Variants in RELCH observed in about 807,000 individuals in gnomAD.
The protein encoded by RELCH is RAB11-binding protein RELCH.
RELCH carries 41 observed loss-of-function variants against 150.3 expected under a neutral mutation model. The ratio of observed to expected loss-of-function variants is 0.27; its 90% confidence interval spans 0.21 to 0.35. RELCH has a LOEUF of 0.35. Among genes scored for constraint, RELCH ranks in the 10% least tolerant of loss-of-function variants. The pLI is 1.00. For synonymous variants in RELCH, 478 were observed against 531.8 expected (o/e 0.90, Z 1.39); for missense variants, 1,092 against 1,467.8 (o/e 0.74, Z 4.18).
chr18:62,269,162 T>C (rs943470267), intron 20 of RELCH, among the ~76,000 whole-genome samples: 2 of 152,154 alleles, frequency 1.3e-5, no homozygotes, highest in Non-Finnish European at 2.9e-5. Flanking sequence ...TTATGAGCTT[T>C]TTGATATTTT....
chr18:62,200,034 A>T (rs1410650880), intron 1 of RELCH, among the ~76,000 whole-genome samples: 1 of 152,214 alleles, frequency 6.6e-6, no homozygotes, highest in African/African-American at 2.4e-5. Context: ...TGATAAAGTC[A>T]TCTTGTATTA....
chr18:62,302,140 T>C (rs1434331812), intron 28 of RELCH, among the ~76,000 whole-genome samples: 1 of 152,020 alleles, frequency 6.6e-6, no homozygotes, highest in Non-Finnish European at 1.5e-5. Flanking sequence ...TGATTAAGAG[T>C]GAAGGAGAAC....
chr18:62,257,498 C>G (rs2043047108), intron 13 of RELCH, among the ~76,000 whole-genome samples: 1 of 152,018 alleles, frequency 6.6e-6, no homozygotes, highest in Non-Finnish European at 1.5e-5. Flanking sequence ...CCTGTTAAAA[C>G]TCTCAGTGCT....
intron 1 of RELCH, among the ~76,000 whole-genome samples, chr18:62,194,100 T>C (rs2038848992): frequency 6.6e-6 from 1 of 152,046 alleles, no homozygotes; most frequent in Non-Finnish European, 1.5e-5. Context: ...ATACAAAAAT[T>C]ATCCGTGCAT....
rs1371974370 is a variant in RELCH, at chr18:62,282,374, T to G, written c.3183T>G (p.Ser1061=). ...LEDPQYQDQH[S]LHTEIIKTFG... is the part of the protein sequence containing the mutation. ...ATCCTCAGTATCAAGACCAACATTCTTTGCATACAGAGATCATAAAAACAT... is the reference window on the plus strand; with the variant it reads ...ATCCTCAGTATCAAGACCAACATTCGTTGCATACAGAGATCATAAAAACAT... The change falls in exon 25 of 29, where the codon TCT becomes TCG. Residue 1061 remains serine (S), a synonymous_variant. Coordinates refer to ENST00000644646, the MANE Select transcript of RELCH (RefSeq NM_001346231.2). 1 of 1,612,774 alleles carries G rather than the reference T, an allele frequency of 6.2e-7. No homozygotes were observed. The highest frequency in any genetic ancestry group is 1.1e-5 in the South Asian group (1 of 90,814).
chr18:62,198,118 A>G (rs567418887), intron 1 of RELCH, among the ~76,000 whole-genome samples: 1 of 152,312 alleles, frequency 6.6e-6, no homozygotes, highest in South Asian at 2.1e-4. Context: ...GCATCACTTC[A>G]TTTCATCAAG....
At chr18:62,209,501 A>G (rs2040022696) in intron 1 of RELCH, among the ~76,000 whole-genome samples, 1 of 152,192 alleles carries the variant, frequency 6.6e-6, no homozygotes, top group Admixed American at 6.5e-5. Flanking sequence ...CTGAATCTGT[A>G]TGCCAAAACT....
At position 62,253,890 on chromosome 18, in the gene RELCH, G is replaced by A. The variant is rs376766803; in HGVS notation, c.1824+1136G>A. On this transcript the variant is annotated intron_variant, in intron 12 of 28. Transcript: ENST00000644646. The stretch of plus-strand genomic sequence containing the variant: ...AATTTACAATTCTATACAGTTAATT[G>A]TGCACATTTAATTTTTTATATTTTT... Among the ~76,000 whole-genome samples, 4 of 152,084 alleles carry A rather than the reference G, an allele frequency of 2.6e-5. No homozygotes were observed. In the East Asian group the frequency reaches 5.8e-4, roughly 22 times the overall value.
chr18:62,194,153 T>C (rs1193709698), intron 1 of RELCH, among the ~76,000 whole-genome samples: 2 of 151,988 alleles, frequency 1.3e-5, no homozygotes, highest in Non-Finnish European at 2.9e-5. Context: ...GAGGCTGAGA[T>C]AGGAGGATCG....
chr18:62,199,659 G>A (rs754437392), intron 1 of RELCH, among the ~76,000 whole-genome samples: 36 of 152,128 alleles, frequency 2.4e-4, no homozygotes, highest in Non-Finnish European at 4.7e-4. Flanking sequence ...TTCCATCAAA[G>A]CTCTGTTTCT....
chr18:62,250,275 T>C (rs928065615), intron 11 of RELCH, among the ~76,000 whole-genome samples: 3 of 152,208 alleles, frequency 2.0e-5, no homozygotes, highest in African/African-American at 7.2e-5. Flanking sequence ...TTGTAGTCTT[T>C]AGTATAGTGA....
At chr18:62,287,675 G>A (rs1000037683) in intron 26 of RELCH, among the ~76,000 whole-genome samples, 1 of 152,140 alleles carries the variant, frequency 6.6e-6, no homozygotes, top group Non-Finnish European at 1.5e-5. Flanking sequence ...GTGCTTTTAT[G>A]TTCTATAGTT....
At chr18:62,230,940 A>G (rs17718056) in intron 8 of RELCH, among the ~76,000 whole-genome samples, 24,749 of 151,988 alleles carry the variant, frequency 0.16, 2,703 homozygotes, top group Middle Eastern at 0.28. Flanking sequence ...TCCACTAACT[A>G]TAAATGCCAT....
At chr18:62,190,431 G>T (rs2038538833) in intron 1 of RELCH, among the ~76,000 whole-genome samples, 1 of 152,046 alleles carries the variant, frequency 6.6e-6, no homozygotes, top group South Asian at 2.1e-4. Flanking sequence ...ACAAAAATTA[G>T]CTAGGCGTGG....
At chr18:62,239,677 T>C (rs2042045452) in intron 10 of RELCH, among the ~76,000 whole-genome samples, 4 of 152,216 alleles carry the variant, frequency 2.6e-5, no homozygotes, top group Non-Finnish European at 5.9e-5. Context: ...GTCTGTCCCC[T>C]GTAGGTGGGA....
intron 27 of RELCH, among the ~76,000 whole-genome samples, chr18:62,296,242 C>G (rs1380970235): frequency 6.6e-6 from 1 of 152,134 alleles, no homozygotes; most frequent in Non-Finnish European, 1.5e-5. Flanking sequence ...ATCTTTGTAT[C>G]AGTTTTTTTG....
At chr18:62,267,090 C>G (rs1186790077) in intron 19 of RELCH, among the ~76,000 whole-genome samples, 2 of 151,810 alleles carry the variant, frequency 1.3e-5, no homozygotes, top group African/African-American at 4.8e-5. Context: ...CATCTAATTC[C>G]TAATTAGTTC....
chr18:62,279,727 C>A, intron 22 of RELCH, 47 bp from the exon 23 acceptor site: 1 of 1,280,470 alleles, frequency 7.8e-7, no homozygotes, highest in Non-Finnish European at 1.1e-6. Context: ...ACTGTGTTTG[C>A]TCTTTCCGTG....
rs116958719 is a variant in RELCH, at chr18:62,230,608, T to C, written c.1449-586T>C. Among the ~76,000 whole-genome samples the C allele has an allele frequency of 1.4e-4, 21 of 152,206 alleles. No individual in the cohort carries two copies. The East Asian group carries it at 3.9e-3, about 28-fold the overall frequency. Reference sequence around the variant, plus strand: ...AGAAATATAAATGTTTTAACCTCCTTTATTAAACATAAATAGGCTAATATT... The same window carrying C: ...AGAAATATAAATGTTTTAACCTCCTCTATTAAACATAAATAGGCTAATATT... On this transcript the variant is annotated intron_variant, in intron 8 of 28. Transcript: ENST00000644646.
Sources: allele counts gnomAD v4.1 joint callset (sites outside exome capture counted in the v4.1 genomes callset), GRCh38; gene constraint gnomAD v4.1.1; transcripts MANE v1.5; gene names NCBI Gene and HGNC (gene_info 2026-07-23, HGNC 2026-07-21).